TENM4: variants seen among roughly 807,000 people sequenced by gnomAD.
TENM4 encodes the protein teneurin transmembrane protein 4, also known as teneurin-4.
In TENM4, 82 loss-of-function variants were observed where a neutral mutation model predicts 243.3. The observed-to-expected ratio is 0.34, with a 90% CI of 0.28 to 0.40. The LOEUF (loss-of-function observed/expected upper bound fraction) is 0.40, where lower values mean the gene tolerates loss of function less well. Ranked by LOEUF, TENM4 falls within the 10% of genes least tolerant of loss-of-function variation. The pLI is 1.00. For synonymous variants in TENM4, 1,412 were observed against 1,456.3 expected (o/e 0.97, Z 0.69); for missense variants, 3,138 against 3,673.3 (o/e 0.85, Z 3.77).
intron 3 of TENM4, among the ~76,000 whole-genome samples, chr11:79,173,110 T>G (rs1292213814): frequency 6.6e-6 from 1 of 152,256 alleles, no homozygotes; most frequent in African/African-American, 2.4e-5. Context: ...GGCCCTAACT[T>G]TGTTCAATAA....
At chr11:79,149,655 A>G (rs917748081) in intron 3 of TENM4, among the ~76,000 whole-genome samples, 6 of 152,104 alleles carry the variant, frequency 3.9e-5, no homozygotes, top group African/African-American at 1.4e-4. Context: ...ACTGGATTGT[A>G]TTTTACGGCC....
chr11:79,031,681 C>A (rs936813466), intron 6 of TENM4, among the ~76,000 whole-genome samples: 1 of 152,192 alleles, frequency 6.6e-6, no homozygotes, highest in African/African-American at 2.4e-5. Flanking sequence ...GACAGTGGGA[C>A]TTGTGAGGCG....
rs1179355749 is a variant in TENM4 at position 79,400,338 on chromosome 11, C to G, written c.-321+40171G>C. ...TTTTTTTTTTTTAACCACACAGACTCCTTTGAAGACCTTCCCAGACAATGC... is the reference window on the plus strand; with the variant it reads ...TTTTTTTTTTTTAACCACACAGACTGCTTTGAAGACCTTCCCAGACAATGC... On this transcript the variant is annotated intron_variant, in intron 1 of 33. Transcript: ENST00000278550. 2.0e-5 allele frequency among the ~76,000 whole-genome samples: 3 copies of G among 151,898 alleles called. No homozygotes were observed. In the East Asian group the frequency reaches 5.8e-4, roughly 29 times the overall value.
intron 1 of TENM4, among the ~76,000 whole-genome samples, chr11:79,415,988 G>A (rs1220192263): frequency 6.6e-6 from 1 of 151,622 alleles, no homozygotes; most frequent in African/African-American, 2.4e-5. Flanking sequence ...GAATCATACA[G>A]TATACATGCT....
intron 5 of TENM4, among the ~76,000 whole-genome samples, chr11:79,065,509 T>C (rs1247279189): frequency 2.0e-5 from 3 of 152,218 alleles, no homozygotes; most frequent in African/African-American, 4.8e-5. Context: ...CAGGTCTCCT[T>C]TTCCAGGGAG....
chr11:79,340,833 C>T (rs1359876493), intron 1 of TENM4, among the ~76,000 whole-genome samples: 2 of 152,116 alleles, frequency 1.3e-5, no homozygotes, highest in East Asian at 1.9e-4. Flanking sequence ...GAAAAATGAG[C>T]CTCCCCACCA....
intron 18 of TENM4, among the ~76,000 whole-genome samples, chr11:78,767,139 G>A (rs890183209): frequency 4.6e-5 from 7 of 152,158 alleles, no homozygotes; most frequent in Non-Finnish European, 2.9e-5. Context: ...TCTACAATGG[G>A]CCATATGTCA....
chr11:79,081,208 G>A (rs953037368), intron 4 of TENM4, among the ~76,000 whole-genome samples: 1 of 152,214 alleles, frequency 6.6e-6, no homozygotes. Context: ...TCAGCCAGAC[G>A]CTGGGCCTGA....
At position 79,440,854 on chromosome 11, in the gene TENM4, T is replaced by C. The variant is rs61884096; in HGVS notation, c.-666A>G. On this transcript the variant is annotated 5_prime_UTR_variant, in exon 1 of 34. Coordinates refer to ENST00000278550, the MANE Select transcript of TENM4 (RefSeq NM_001098816.3). The surrounding 1 kb of genome is among the most constrained non-coding windows in gnomAD (Gnocchi z 4.7). The stretch of plus-strand genomic sequence containing the variant: ...GTTGGGGCGGGTGTGTGCGCGCGCG[T>C]GTGTGAGTGTGTGTGTGTGTGTGTG... 721 of 105,422 alleles carry C rather than the reference T, an allele frequency of 6.8e-3. 3 individuals are homozygous for C. The highest frequency in any genetic ancestry group is 0.019 in the African/African-American group (526 of 28,122). 6.5% of individuals were successfully genotyped at this position (105,422 alleles called of 1,614,324 possible). A position where few individuals can be genotyped will look rare whatever the true frequency, so the allele number is the denominator to read the frequency against.
chr11:78,875,483 T>C (rs1214325399), intron 9 of TENM4, among the ~76,000 whole-genome samples: 1 of 152,140 alleles, frequency 6.6e-6, no homozygotes, highest in African/African-American at 2.4e-5. Flanking sequence ...GGATTACAGG[T>C]GTAAGCCACT....
chr11:78,853,771 C>T (rs184652383), intron 12 of TENM4, among the ~76,000 whole-genome samples: 22 of 152,296 alleles, frequency 1.4e-4, no homozygotes, highest in Middle Eastern at 3.4e-3. Flanking sequence ...AAGACAAATA[C>T]GTGGGAGAGA....
At chr11:79,173,777 T>C (rs1030324570) in intron 3 of TENM4, among the ~76,000 whole-genome samples, 1 of 152,160 alleles carries the variant, frequency 6.6e-6, no homozygotes, top group Admixed American at 6.5e-5. Flanking sequence ...AAAGCTGTAA[T>C]AGTGCAGTTG....
intron 1 of TENM4, among the ~76,000 whole-genome samples, chr11:79,380,357 G>A (rs1242524452): frequency 1.3e-5 from 2 of 151,744 alleles, no homozygotes; most frequent in Non-Finnish European, 1.5e-5. Context: ...ACACAAGGCT[G>A]CACTATGCTT....
At chr11:79,429,215 C>G (rs1481188121) in intron 1 of TENM4, among the ~76,000 whole-genome samples, 1 of 152,146 alleles carries the variant, frequency 6.6e-6, no homozygotes, top group African/African-American at 2.4e-5. Flanking sequence ...TTTTCTATGT[C>G]TACAGGCAAC....
intron 1 of TENM4, among the ~76,000 whole-genome samples, chr11:79,344,633 C>T (rs2135466453): frequency 6.6e-6 from 1 of 152,340 alleles, no homozygotes; most frequent in South Asian, 2.1e-4. Flanking sequence ...TTGAAAGTCT[C>T]AGAATCCTTC....
chr11:78,804,110 G>C (rs1857340033), intron 15 of TENM4, among the ~76,000 whole-genome samples: 1 of 152,186 alleles, frequency 6.6e-6, no homozygotes, highest in Non-Finnish European at 1.5e-5. Flanking sequence ...GAGCTAATCT[G>C]ATACTCACTT....
chr11:78,661,489 A>G lies in TENM4; in HGVS notation c.7511T>C (p.Ile2504Thr). Residue 2504 changes from isoleucine to threonine, a missense_variant, in exon 33 of 34, where the codon ATC becomes ACC. By Grantham distance (89) the Ile-to-Thr change is moderately conservative. This residue lies in a region of TENM4 where 2,467 missense variants were observed against 3,059.1 expected (regional missense o/e 0.81). Coordinates refer to ENST00000278550, the MANE Select transcript of TENM4 (RefSeq NM_001098816.3). ...MDAMEPSYEL[I>T]HTQMKTQEWD... The stretch of plus-strand genomic sequence containing the variant: ...CTCCTGCGTTTTCATCTGTGTGTGG[A>G]TGAGCTCGTAGGAGGGTTCCATGGC... 5.0e-6 allele frequency: 8 copies of G among 1,611,458 alleles called. No individual in the cohort carries two copies. The highest frequency in any genetic ancestry group is 6.8e-6 in the Non-Finnish European group (8 of 1,178,908).
Position 78,785,620 on chromosome 11 carries a change from G to C in TENM4, c.2365+1278C>G, listed in dbSNP as rs1185348929. Among the ~76,000 whole-genome samples, 5 of 152,136 alleles carry C rather than the reference G, an allele frequency of 3.3e-5. No individual in the cohort carries two copies. In the East Asian group the frequency reaches 9.6e-4, roughly 29 times the overall value. On this transcript the variant is annotated intron_variant, in intron 16 of 33. Transcript: ENST00000278550. ...AGGAGGATAAAATAATGCAGCTAAA[G>C]TTCTTAGTGCAGCTCTCGGCACGTT... is the stretch of plus-strand genomic sequence containing the variant.
chr11:78,701,347 C>T lies in TENM4; in HGVS notation c.5087+179G>A, dbSNP rs1423711314. Among the ~76,000 whole-genome samples, 3 of 152,214 alleles carry T rather than the reference C, an allele frequency of 2.0e-5. No individual in the cohort carries two copies. In the East Asian group the frequency reaches 5.8e-4, roughly 29 times the overall value. On this transcript the variant is annotated intron_variant, in intron 28 of 33. Coordinates refer to ENST00000278550, the MANE Select transcript of TENM4 (RefSeq NM_001098816.3). ...TCTGACTCCAAAGCTTATGCCTTCT[C>T]CACTAGACCATTTCCTTCCTAGGAG...
Sources: gnomAD v4.1 joint callset for allele counts (sites outside exome capture counted in the v4.1 genomes callset) on GRCh38, gnomAD v4.1.1 for gene constraint, gnomAD v4.1.1 regional missense constraint, Gnocchi (gnomAD v3.1) non-coding constraint, MANE v1.5 for transcripts, NCBI Gene and HGNC (gene_info 2026-07-23, HGNC 2026-07-21) for gene names.